NEFL: variants seen among roughly 807,000 people sequenced by gnomAD.
NEFL encodes the protein neurofilament light polypeptide.
In NEFL, 36 loss-of-function variants were observed where a neutral mutation model predicts 51.6. The observed-to-expected ratio is 0.70, with a 90% CI of 0.53 to 0.92. The LOEUF (loss-of-function observed/expected upper bound fraction) is 0.92. Among genes scored for constraint, NEFL ranks in the 40% least tolerant of loss-of-function variants. The pLI, the probability that NEFL is intolerant of heterozygous loss-of-function variation, is 0.00. For synonymous variants in NEFL, 332 were observed against 302.5 expected (o/e 1.10, Z -1.01); for missense variants, 671 against 722.0 (o/e 0.93, Z 0.81).
rs1205100926 is a variant in NEFL at position 24,955,545 on chromosome 8, C to T, written c.971G>A (p.Gly324Asp). ...CTGCTTCTCCAGCGCTTCATTCATG[C>T]CCCGGCATGCTTCGATTTCCAGGGT... ...AKTLEIEACR[G>D]MNEALEKQLQ... The change falls in exon 1 of 4, where the codon GGC (glycine) becomes GAC (aspartate). Residue 324 changes from glycine to aspartate, a missense_variant. Gly to Asp is a moderately conservative substitution (Grantham distance 94). Coordinates refer to ENST00000610854, the MANE Select transcript of NEFL (RefSeq NM_006158.5). The surrounding 1 kb of genome is among the most constrained non-coding windows in gnomAD (Gnocchi z 4.0). 6.2e-7 allele frequency: 1 copy of T among 1,613,418 alleles called. No individual in the cohort carries two copies. Among genetic ancestry groups the T allele is most frequent in the East Asian group, 2.2e-5 (1 of 44,868 alleles).
At chr8:24,954,343 A>G (rs2117252618) in intron 1 of NEFL, 38 bp from the exon 2 acceptor site, 1 of 1,605,360 alleles carries the variant, frequency 6.2e-7, no homozygotes, top group East Asian at 2.2e-5. Context: ...AAAAAATCCG[A>G]GCATAAATCC....
intron 3 of NEFL, 80 bp from the exon 4 acceptor site, chr8:24,953,032 C>G: frequency 6.8e-7 from 1 of 1,478,734 alleles, no homozygotes; most frequent in Non-Finnish European, 9.0e-7. Context: ...GTTTTATTTG[C>G]AAACACAACT....
At position 24,955,900 on chromosome 8, in the gene NEFL, G is replaced by C. The variant is rs771763817; in HGVS notation, c.616C>G (p.Arg206Gly). The C allele has an allele frequency of 3.1e-6, 5 of 1,605,636 alleles. No individual in the cohort carries two copies. Among genetic ancestry groups the C allele is most frequent in the Non-Finnish European group, 3.4e-6 (4 of 1,179,778 alleles). The change falls in exon 1 of 4, where the codon CGC (arginine) becomes GGC (glycine). Residue 206 changes from arginine (R) to glycine (G), a missense_variant. Transcript: ENST00000610854. This position sits in a 1 kb window ranked among gnomAD's most constrained non-coding sequence, Gnocchi z 4.0. ...TCGATGCGCTTCTCGAGCTCGGCGC[G>C]AGCGAGCGCCGCCTCGTCGGCGCCT... ...RKGADEAALA[R>G]AELEKRIDSL...
rs11300136 is a variant in NEFL, at chr8:24,953,551, A to AG, written c.1413dup (p.Ser472LeufsTer2). The AG allele has an allele frequency of 1.2e-6, 2 of 1,613,368 alleles. No individual in the cohort carries two copies. The highest frequency in any genetic ancestry group is 1.7e-6 in the Non-Finnish European group (2 of 1,179,738). On this transcript the variant is annotated frameshift_variant, in exon 3 of 4. Transcript: ENST00000610854. LOFTEE classifies it high-confidence loss of function. ...TCCTCCTCCTCGGCTTCTCCTTCAG[A>AG]GGGGGGCTCATCCTTGGCTTCCTCA...
At position 24,953,645 on chromosome 8, in the gene NEFL, C is replaced by T. The variant is rs541109299; in HGVS notation, c.1320G>A (p.Pro440=). The change falls in exon 3 of 4, where the codon CCG becomes CCA. Residue 440 remains proline (P), a synonymous_variant. Coordinates refer to ENST00000610854, the MANE Select transcript of NEFL (RefSeq NM_006158.5). ...CTTGGACATGGCTGGTGTAGTAGGA[C>T]GGGAAGGAGCGGGTGGACATCAGAT... ...SSYLMSTRSF[P]SYYTSHVQEE... 42 of 1,613,962 alleles carry T rather than the reference C, an allele frequency of 2.6e-5. No homozygotes were observed. The South Asian group carries it at 3.7e-4, about 14-fold the overall frequency.
At position 24,955,970 on chromosome 8, in the gene NEFL, C is replaced by G; in HGVS notation, c.546G>C (p.Val182=). 1 of 1,603,058 alleles carries G rather than the reference C, an allele frequency of 6.2e-7. No individual in the cohort carries two copies. The highest frequency in any genetic ancestry group is 8.5e-7 in the Non-Finnish European group (1 of 1,179,156). Reference sequence around the variant, plus strand: ...GGCCCTCGGCGTCCTCGCGGCTCAGCACCTCCTCTTCATAGCGCGCCTGCA... The same window carrying G: ...GGCCCTCGGCGTCCTCGCGGCTCAGGACCTCCTCTTCATAGCGCGCCTGCA... The part of the protein sequence containing the change: ...RNLQARYEEE[V]LSREDAEGRL... Residue 182 remains valine, a synonymous_variant, in exon 1 of 4, where the codon GTG becomes GTC. Transcript: ENST00000610854. The surrounding 1 kb of genome is among the most constrained non-coding windows in gnomAD (Gnocchi z 4.0).
chr8:24,954,824 A>C (rs1803020786), intron 1 of NEFL, among the ~76,000 whole-genome samples: 1 of 152,120 alleles, frequency 6.6e-6, no homozygotes, highest in Non-Finnish European at 1.5e-5. Context: ...TTTAAAATGG[A>C]GATCTTTTTA....
In NEFL at chr8:24,955,984, A is replaced by T. The variant is rs550216338; in HGVS notation, c.532T>A (p.Tyr178Asn). 1.0e-5 allele frequency: 16 copies of T among 1,602,956 alleles called. No individual in the cohort carries two copies. Among genetic ancestry groups the T allele is most frequent in the Non-Finnish European group, 1.4e-5 (16 of 1,179,022 alleles). The change falls in exon 1 of 4, where the codon TAT becomes AAT. Residue 178 changes from tyrosine to asparagine, a missense_variant. Tyr to Asn is a moderately radical substitution (Grantham distance 143). Transcript: ENST00000610854. This position sits in a 1 kb window ranked among gnomAD's most constrained non-coding sequence, Gnocchi z 4.0. The stretch of plus-strand genomic sequence containing the variant: ...TCGCGGCTCAGCACCTCCTCTTCAT[A>T]GCGCGCCTGCAGGTTGCGCAGGGTC... ...EETLRNLQAR[Y>N]EEEVLSREDA...
Position 24,956,019 on chromosome 8 carries a change from C to A in NEFL, c.497G>T (p.Gly166Val), listed in dbSNP as rs934072116. 7 of 1,604,736 alleles carry A rather than the reference C, an allele frequency of 4.4e-6. No individual in the cohort carries two copies. Among genetic ancestry groups the A allele is most frequent in the Non-Finnish European group, 5.1e-6 (6 of 1,179,292 alleles). ...EKQALQGERE[G>V]LEETLRNLQA... is the part of the protein sequence containing the mutation. The stretch of plus-strand genomic sequence containing the variant: ...CAGGTTGCGCAGGGTCTCCTCCAGC[C>A]CTTCGCGCTCGCCCTGGAGCGCCTG... The change falls in exon 1 of 4, where the codon GGG becomes GTG. Residue 166 changes from glycine to valine, a missense_variant. Coordinates refer to ENST00000610854, the MANE Select transcript of NEFL (RefSeq NM_006158.5). The surrounding 1 kb of genome is among the most constrained non-coding windows in gnomAD (Gnocchi z 5.9).
rs539949241 is a variant in NEFL at position 24,955,142 on chromosome 8, T to C, written c.1044+330A>G. 25 of 343,588 alleles carry C rather than the reference T, an allele frequency of 7.3e-5. No individual in the cohort carries two copies. The East Asian group carries it at 1.2e-3, about 17-fold the overall frequency. 21.3% of individuals were successfully genotyped at this position (343,588 alleles called of 1,614,324 possible). Reference sequence around the variant, plus strand: ...CCGATAGTTGCTGCAAAGTAACTTGTGGTTAATGCAGGTCAGTAGAGAGCT... The same window carrying C: ...CCGATAGTTGCTGCAAAGTAACTTGCGGTTAATGCAGGTCAGTAGAGAGCT... On this transcript the variant is annotated intron_variant, in intron 1 of 3. Transcript: ENST00000610854. The surrounding 1 kb of genome is among the most constrained non-coding windows in gnomAD (Gnocchi z 4.0).
chr8:24,953,895 T>A, intron 2 of NEFL, 100 bp from the exon 3 acceptor site: 3 of 1,433,348 alleles, frequency 2.1e-6, no homozygotes, highest in Non-Finnish European at 2.8e-6. Context: ...GGGCTGGGAT[T>A]TATCAATACT....
chr8:24,955,308 C>G lies in NEFL; in HGVS notation c.1044+164G>C, dbSNP rs1049966822. 4.6e-5 allele frequency: 31 copies of G among 679,718 alleles called. No individual in the cohort carries two copies. Among genetic ancestry groups the G allele is most frequent in the Non-Finnish European group, 6.6e-5 (27 of 411,548 alleles). 42.1% of individuals were successfully genotyped at this position (679,718 alleles called of 1,614,324 possible). ...CAGACTACAGTGGCGCCCGCACTCA[C>G]GCCCTTCAAGTGCCCCACCCCTCCC... On this transcript the variant is annotated intron_variant, in intron 1 of 3. Coordinates refer to ENST00000610854, the MANE Select transcript of NEFL (RefSeq NM_006158.5). This position sits in a 1 kb window ranked among gnomAD's most constrained non-coding sequence, Gnocchi z 4.0.
In NEFL at chr8:24,955,430, G is replaced by T. The variant is rs1255545382; in HGVS notation, c.1044+42C>A. 5 of 1,409,572 alleles carry T rather than the reference G, an allele frequency of 3.5e-6. No homozygotes were observed. Among genetic ancestry groups the T allele is most frequent in the South Asian group, 1.5e-5 (1 of 64,876 alleles). The allele number at this position is 1,409,572 out of a possible 1,614,324, so 87.3% of individuals were successfully genotyped here. A position where few individuals can be genotyped will look rare whatever the true frequency, so the allele number is the denominator to read the frequency against. ...TCTGGGCGCACCAACTCCCCCCCTT[G>T]CTCGAGTCCCCCGCCCCCCTGTGTT... On this transcript the variant is annotated intron_variant, in intron 1 of 3. Coordinates refer to ENST00000610854, the MANE Select transcript of NEFL (RefSeq NM_006158.5). This position sits in a 1 kb window ranked among gnomAD's most constrained non-coding sequence, Gnocchi z 4.0.
In NEFL at chr8:24,955,997, G is replaced by A. The variant is rs1803046143; in HGVS notation, c.519C>T (p.Asn173=). The stretch of plus-strand genomic sequence containing the variant: ...CCTCCTCTTCATAGCGCGCCTGCAG[G>A]TTGCGCAGGGTCTCCTCCAGCCCTT... The part of the protein sequence containing the change: ...EREGLEETLR[N]LQARYEEEVL... The change falls in exon 1 of 4, where the codon AAC becomes AAT. Residue 173 remains asparagine, a synonymous_variant. Coordinates refer to ENST00000610854, the MANE Select transcript of NEFL (RefSeq NM_006158.5). The surrounding 1 kb of genome is among the most constrained non-coding windows in gnomAD (Gnocchi z 4.0). The A allele has an allele frequency of 6.2e-7, 1 of 1,604,084 alleles. No individual in the cohort carries two copies. Among genetic ancestry groups the A allele is most frequent in the Non-Finnish European group, 8.5e-7 (1 of 1,179,128 alleles).
chr8:24,952,106 G>A lies in NEFL; in HGVS notation c.*704C>T, dbSNP rs534104922. On this transcript the variant is annotated 3_prime_UTR_variant, in exon 4 of 4. Coordinates refer to ENST00000610854, the MANE Select transcript of NEFL (RefSeq NM_006158.5). ...GCCATCCCAAAACCTAACACAACAC[G>A]TGTTATGAGGCAAAGTCTATTGTTA... 6 of 152,594 alleles carry A rather than the reference G, an allele frequency of 3.9e-5. No homozygotes were observed. In the East Asian group the frequency reaches 7.7e-4, roughly 20 times the overall value. 9.5% of individuals were successfully genotyped at this position (152,594 alleles called of 1,614,324 possible). A position where few individuals can be genotyped will look rare whatever the true frequency, so the allele number is the denominator to read the frequency against.
In NEFL at chr8:24,954,917, GA is replaced by G. The variant is rs35973243; in HGVS notation, c.1044+554del. On this transcript the variant is annotated intron_variant, in intron 1 of 3. Coordinates refer to ENST00000610854, the MANE Select transcript of NEFL (RefSeq NM_006158.5). ...AAGATTTTACACATAAAGAAAAAAA[GA>G]AAAAAAAAAGGTAAAAGGAAATGGT... Among the ~76,000 whole-genome samples the G allele has an allele frequency of 2.3e-3, 344 of 147,346 alleles. 2 individuals carry two copies. Among genetic ancestry groups the G allele is most frequent in the East Asian group, 0.016 (82 of 5,034 alleles).
chr8:24,955,423 C>T lies in NEFL; in HGVS notation c.1044+49G>A. 1 of 695,942 alleles carries T rather than the reference C, an allele frequency of 1.4e-6. No individual in the cohort carries two copies. 43.1% of individuals were successfully genotyped at this position (695,942 alleles called of 1,614,324 possible). A position where few individuals can be genotyped will look rare whatever the true frequency, so the allele number is the denominator to read the frequency against. On this transcript the variant is annotated intron_variant, in intron 1 of 3. Coordinates refer to ENST00000610854, the MANE Select transcript of NEFL (RefSeq NM_006158.5). The surrounding 1 kb of genome is among the most constrained non-coding windows in gnomAD (Gnocchi z 4.0). Reference sequence around the variant, plus strand: ...TCCACTTTCTGGGCGCACCAACTCCCCCCCTTGCTCGAGTCCCCCGCCCCC... The same window carrying T: ...TCCACTTTCTGGGCGCACCAACTCCTCCCCTTGCTCGAGTCCCCCGCCCCC...
Position 24,955,934 on chromosome 8 carries a change from T to G in NEFL, c.582A>C (p.Glu194Asp), listed in dbSNP as rs532240912. The change falls in exon 1 of 4, where the codon GAA becomes GAC. Residue 194 changes from glutamate to aspartate, a missense_variant. Transcript: ENST00000610854. The surrounding 1 kb of genome is among the most constrained non-coding windows in gnomAD (Gnocchi z 4.0). ...CCGCCTCGTCGGCGCCTTTGCGCGC[T>G]TCCATCAGCCGGCCCTCGGCGTCCT... Reference protein sequence around the residue: ...SREDAEGRLMEARKGADEAAL... With the variant: ...SREDAEGRLMDARKGADEAAL... 849 of 1,603,990 alleles carry G rather than the reference T, an allele frequency of 5.3e-4. 17 individuals carry two copies. In the South Asian group the frequency reaches 8.9e-3, roughly 17 times the overall value.
Position 24,952,698 on chromosome 8 carries a change from T to C in NEFL, c.*112A>G. ...CTAAGTCATCTCAGAATTATACATA[T>C]ATTGACTTTTTAATTCACATAGAAT... On this transcript the variant is annotated 3_prime_UTR_variant, in exon 4 of 4. Transcript: ENST00000610854. 6.6e-7 allele frequency: 1 copy of C among 1,515,246 alleles called. No individual in the cohort carries two copies. Among genetic ancestry groups the C allele is most frequent in the Non-Finnish European group, 9.0e-7 (1 of 1,109,960 alleles). 93.9% of individuals were successfully genotyped at this position (1,515,246 alleles called of 1,614,324 possible).
Sources: gnomAD v4.1 joint callset for allele counts (sites outside exome capture counted in the v4.1 genomes callset) on GRCh38, gnomAD v4.1.1 for gene constraint, Gnocchi (gnomAD v3.1) non-coding constraint, MANE v1.5 for transcripts, NCBI Gene and HGNC (gene_info 2026-07-23, HGNC 2026-07-21) for gene names.